The following SYT2 variants were observed in gnomAD, a reference collection of about 807,000 sequenced individuals.
SYT2 encodes synaptotagmin 2.
In SYT2, 15 loss-of-function variants were observed where a neutral mutation model predicts 39.9. The ratio of observed to expected loss-of-function variants is 0.38; its 90% CI spans 0.25 to 0.58. The LOEUF is 0.58. SYT2 is among the 20% of genes least tolerant of loss of function. The pLI, the probability that SYT2 is intolerant of heterozygous loss-of-function variation, is 0.70. For synonymous variants in SYT2, 181 were observed against 204.5 expected, an observed-to-expected ratio of 0.89 and a Z score of 0.98; for missense variants, 389 against 530.3, an observed-to-expected ratio of 0.73 and a Z score of 2.62.
chr1:202,617,228 C>G (rs867307894), intron 1 of SYT2, among the ~76,000 whole-genome samples: 1 of 152,212 alleles, frequency 6.6e-6, no homozygotes, highest in Non-Finnish European at 1.5e-5. Flanking sequence ...CAGTTTGGAT[C>G]TGTGTCCCTG....
intron 8 of SYT2, among the ~76,000 whole-genome samples, chr1:202,598,772 G>A (rs984959998): frequency 2.0e-5 from 3 of 152,190 alleles, no homozygotes; most frequent in Non-Finnish European, 4.4e-5. Context: ...TGGAAGGGTG[G>A]AGGGAGAGAG....
At chr1:202,652,058 G>A (rs1388542942) in intron 1 of SYT2, among the ~76,000 whole-genome samples, 1 of 152,214 alleles carries the variant, frequency 6.6e-6, no homozygotes, top group East Asian at 1.9e-4. Flanking sequence ...CTCCGTCTAA[G>A]TAAGTCACAC....
At chr1:202,611,942 C>T (rs1408451209) in intron 1 of SYT2, among the ~76,000 whole-genome samples, 1 of 152,094 alleles carries the variant, frequency 6.6e-6, no homozygotes, top group African/African-American at 2.4e-5. Context: ...CCATGGCCTC[C>T]TGAGCTCAAG....
chr1:202,613,067 C>CTTTTTTTTTTTTTTTTTTTTTT (rs1690930669), intron 1 of SYT2, among the ~76,000 whole-genome samples: 1 of 121,604 alleles, frequency 8.2e-6, no homozygotes. Context: ...ATTGGTTCTT[C>CTTTTTTTTTTTTTTTTTTTTTT]CTTTTTTTTT....
chr1:202,688,248 A>G lies in SYT2; in HGVS notation c.-18+22010T>C, dbSNP rs557911579. Among the ~76,000 whole-genome samples the G allele has an allele frequency of 3.1e-3, 471 of 152,328 alleles. 3 individuals are homozygous for G. The highest frequency in any genetic ancestry group is 6.0e-3 in the Non-Finnish European group (411 of 68,030). ...CCTCATCTGCAAAATGTGACCTCCCATAGTGGCTCCGTCTTTCTCCTCCAG... is the reference window on the plus strand; with the variant it reads ...CCTCATCTGCAAAATGTGACCTCCCGTAGTGGCTCCGTCTTTCTCCTCCAG... On this transcript the variant is annotated intron_variant, in intron 1 of 8. Coordinates refer to ENST00000367268, the MANE Select transcript of SYT2 (RefSeq NM_177402.5).
chr1:202,608,201 A>G (rs1370080632), intron 1 of SYT2, among the ~76,000 whole-genome samples: 1 of 152,172 alleles, frequency 6.6e-6, no homozygotes, highest in African/African-American at 2.4e-5. Flanking sequence ...GATGTTTTCA[A>G]GGTTCATCTA....
intron 1 of SYT2, among the ~76,000 whole-genome samples, chr1:202,634,844 AG>A (rs1249211274): frequency 6.6e-6 from 1 of 152,222 alleles, no homozygotes; most frequent in African/African-American, 2.4e-5. Flanking sequence ...TCATAGAGAC[AG>A]AAAGTAGATG....
At chr1:202,634,250 G>A (rs1691679412) in intron 1 of SYT2, among the ~76,000 whole-genome samples, 1 of 152,138 alleles carries the variant, frequency 6.6e-6, no homozygotes, top group Admixed American at 6.5e-5. Context: ...GGGAGAGGTG[G>A]GTCACACCTG....
At chr1:202,605,819 G>A (rs753041463) in intron 1 of SYT2, 30 bp from the exon 2 acceptor site, 2 of 1,571,390 alleles carry the variant, frequency 1.3e-6, no homozygotes, top group East Asian at 2.3e-5. Context: ...AGGGCAGGGT[G>A]AGCATCCAGA....
At chr1:202,690,006 T>TCA (rs1259225858) in intron 1 of SYT2, among the ~76,000 whole-genome samples, 1 of 152,216 alleles carries the variant, frequency 6.6e-6, no homozygotes, top group African/African-American at 2.4e-5. Context: ...GCTGAATATT[T>TCA]CATACAGGAG....
intron 1 of SYT2, among the ~76,000 whole-genome samples, chr1:202,615,746 C>G (rs948572780): frequency 3.3e-5 from 5 of 152,192 alleles, no homozygotes; most frequent in African/African-American, 1.2e-4. Context: ...CAAACAGACC[C>G]CCATCCCACA....
In SYT2 at chr1:202,599,392, G is replaced by GC. The variant is rs1690417677; in HGVS notation, c.920-42dup. ...CCCAACCCCAGAGAGGTTCCCCTTA[G>GC]CCCCCAGCCTTCCTGCCGAATGTAC... On this transcript the variant is annotated intron_variant, in intron 7 of 8. Coordinates refer to ENST00000367268, the MANE Select transcript of SYT2 (RefSeq NM_177402.5). This position sits in a 1 kb window ranked among gnomAD's most constrained non-coding sequence, Gnocchi z 4.4. 6.4e-7 allele frequency: 1 copy of GC among 1,554,712 alleles called. No individual in the cohort carries two copies. Among genetic ancestry groups the GC allele is most frequent in the Non-Finnish European group, 8.6e-7 (1 of 1,158,568 alleles).
intron 1 of SYT2, chr1:202,639,979 A>T (rs1296032552): frequency 3.4e-6 from 1 of 298,108 alleles, no homozygotes; most frequent in East Asian, 1.7e-4. Flanking sequence ...CAGACTTCCT[A>T]TTCCAGGTTG....
At chr1:202,639,250 T>C (rs1341053579) in intron 1 of SYT2, among the ~76,000 whole-genome samples, 1 of 152,224 alleles carries the variant, frequency 6.6e-6, no homozygotes, top group East Asian at 1.9e-4. Context: ...TCTCAGTATC[T>C]AGATCAGGAA....
At chr1:202,664,256 G>A (rs1692442129) in intron 1 of SYT2, among the ~76,000 whole-genome samples, 1 of 152,076 alleles carries the variant, frequency 6.6e-6, no homozygotes, top group Admixed American at 6.5e-5. Flanking sequence ...CTCTCATTCT[G>A]GTTCATCCTT....
chr1:202,653,586 C>T (rs966294126), intron 1 of SYT2, among the ~76,000 whole-genome samples: 2 of 151,946 alleles, frequency 1.3e-5, no homozygotes, highest in African/African-American at 4.8e-5. Context: ...CAAAGACCAT[C>T]CCCAGAGATT....
At position 202,629,867 on chromosome 1, in the gene SYT2, TGG is replaced by T. The variant is rs71281826; in HGVS notation, c.-17-24080_-17-24079del. Among the ~76,000 whole-genome samples, 290 of 39,526 alleles carry T rather than the reference TGG, an allele frequency of 7.3e-3. 26 individuals carry two copies. The highest frequency in any genetic ancestry group is 0.066 in the East Asian group (102 of 1,550). 25.9% of individuals were successfully genotyped at this position (39,526 alleles called of 152,430 possible). A position where few individuals can be genotyped will look rare whatever the true frequency, so the allele number is the denominator to read the frequency against. On this transcript the variant is annotated intron_variant, in intron 1 of 8. Transcript: ENST00000367268. ...GCGGCCATACCCAGCAGGCAGCTGG[TGG>T]GGGGGGGGGGGTGGTACGGCAGGTG...
intron 1 of SYT2, among the ~76,000 whole-genome samples, chr1:202,629,053 G>A (rs1402125053): frequency 4.6e-5 from 7 of 152,240 alleles, no homozygotes; most frequent in African/African-American, 1.4e-4. Flanking sequence ...GGCTGGGCAC[G>A]GGCCTGTCAG....
chr1:202,640,349 G>A (rs988696138), intron 1 of SYT2, among the ~76,000 whole-genome samples: 3 of 150,274 alleles, frequency 2.0e-5, no homozygotes, highest in East Asian at 2.0e-4. Flanking sequence ...TTCACTTCAC[G>A]TATGAGAAAA....
Sources: gnomAD v4.1 joint callset for allele counts (sites outside exome capture counted in the v4.1 genomes callset) on GRCh38, gnomAD v4.1.1 for gene constraint, Gnocchi (gnomAD v3.1) non-coding constraint, MANE v1.5 for transcripts, NCBI Gene and HGNC (gene_info 2026-07-23, HGNC 2026-07-21) for gene names.